Variants in ELK3 observed in about 807,000 individuals in gnomAD.
ELK3 encodes ETS domain-containing protein Elk-3.
A neutral mutation model predicts 28.9 loss-of-function variants in ELK3; 10 were observed. The ratio of observed to expected loss-of-function variants is 0.35; its 90% CI spans 0.21 to 0.59. The LOEUF is 0.59. ELK3 is among the 20% of genes least tolerant of loss of function. The probability of loss-of-function intolerance (pLI) is 0.82; values close to 1 mark genes in which losing one functional copy is unlikely to be tolerated. For missense variants in ELK3, 463 were observed against 517.3 expected, an observed-to-expected ratio of 0.90 and a Z score of 1.02; for synonymous variants, 272 against 243.5, an observed-to-expected ratio of 1.12 and a Z score of -1.09.
intron 1 of ELK3, among the ~76,000 whole-genome samples, chr12:96,208,036 G>A (rs1434067457): frequency 1.3e-5 from 2 of 152,120 alleles, no homozygotes; most frequent in African/African-American, 2.4e-5. Context: ...GTAGGCTGAT[G>A]TTAGAGGGCA....
chr12:96,219,143 A>G (rs1055457805), intron 1 of ELK3, among the ~76,000 whole-genome samples: 1 of 152,188 alleles, frequency 6.6e-6, no homozygotes, highest in African/African-American at 2.4e-5. Context: ...AAGTACCACC[A>G]CTTTTTCAAT....
chr12:96,238,428 C>T (rs1023122413), intron 2 of ELK3, among the ~76,000 whole-genome samples: 1 of 152,236 alleles, frequency 6.6e-6, no homozygotes, highest in Non-Finnish European at 1.5e-5. Context: ...GCACTGGGTC[C>T]ACATGACTTC....
intron 1 of ELK3, among the ~76,000 whole-genome samples, chr12:96,215,204 A>G (rs1000270190): frequency 2.0e-5 from 3 of 152,118 alleles, no homozygotes; most frequent in Non-Finnish European, 4.4e-5. Flanking sequence ...CCACCTCAGT[A>G]AAAATGAAAC....
At position 96,247,150 on chromosome 12, in the gene ELK3, T is replaced by G; in HGVS notation, c.418T>G (p.Ser140Ala). Residue 140 changes from serine to alanine, a missense_variant, in exon 3 of 5, where the codon TCA becomes GCA. Ser to Ala is a moderately conservative substitution (Grantham distance 99). This residue lies in a region of ELK3 where 408 missense variants were observed against 414.8 expected (regional missense o/e 0.98). Transcript: ENST00000228741. This position sits in a 1 kb window ranked among gnomAD's most constrained non-coding sequence, Gnocchi z 5.5. ...RSTSRNEYIHSGLYSSFTINS... is the reference protein window; with the variant it reads ...RSTSRNEYIHAGLYSSFTINS... ...CACGAGCCGCAACGAATACATCCAC[T>G]CAGGCCTGTACTCGTCCTTCACCAT... is the stretch of plus-strand genomic sequence containing the variant. 1 of 1,613,978 alleles carries G rather than the reference T, an allele frequency of 6.2e-7. No individual in the cohort carries two copies. The highest frequency in any genetic ancestry group is 8.5e-7 in the Non-Finnish European group (1 of 1,179,958).
chr12:96,250,610 C>T (rs761548719), intron 3 of ELK3, among the ~76,000 whole-genome samples: 22 of 152,204 alleles, frequency 1.4e-4, no homozygotes, highest in Non-Finnish European at 2.4e-4. Context: ...CTTTCGGCCT[C>T]AGGAGTGAAG....
intron 2 of ELK3, among the ~76,000 whole-genome samples, chr12:96,224,942 A>G (rs1444712547): frequency 6.6e-6 from 1 of 152,228 alleles, no homozygotes; most frequent in East Asian, 1.9e-4. Context: ...TAGAGACATC[A>G]TTAATTATAA....
intron 1 of ELK3, among the ~76,000 whole-genome samples, chr12:96,204,132 C>T (rs1385513538): frequency 1.3e-5 from 2 of 151,692 alleles, no homozygotes; most frequent in Non-Finnish European, 2.9e-5. Context: ...TAAAGTTATT[C>T]GTGGGATAGG....
chr12:96,265,843 A>T (rs1235996347), intron 4 of ELK3, among the ~76,000 whole-genome samples: 1 of 152,246 alleles, frequency 6.6e-6, no homozygotes, highest in Non-Finnish European at 1.5e-5. Flanking sequence ...AATTCTAGAA[A>T]AAGTTAAAAT....
intron 4 of ELK3, among the ~76,000 whole-genome samples, chr12:96,261,082 C>A (rs1394636483): frequency 1.3e-5 from 2 of 152,212 alleles, no homozygotes; most frequent in Non-Finnish European, 2.9e-5. Flanking sequence ...TCTTCATGAT[C>A]ATCTGAGCTG....
At chr12:96,208,200 C>T (rs917245321) in intron 1 of ELK3, among the ~76,000 whole-genome samples, 8 of 152,042 alleles carry the variant, frequency 5.3e-5, no homozygotes, top group Admixed American at 2.6e-4. Context: ...TATAGGCGCC[C>T]GCCACCACTC....
chr12:96,256,848 G>A (rs2268504), intron 3 of ELK3, among the ~76,000 whole-genome samples: 35,569 of 152,118 alleles, frequency 0.23, 4,492 homozygotes, highest in South Asian at 0.4. Flanking sequence ...GGGCAGGGGT[G>A]CACAGGTGGG....
At position 96,247,255 on chromosome 12, in the gene ELK3, C is replaced by G. The variant is rs200537628; in HGVS notation, c.523C>G (p.Pro175Ala). 1.2e-5 allele frequency: 20 copies of G among 1,614,112 alleles called. No individual in the cohort carries two copies. In the Admixed American group the frequency reaches 1.7e-4, roughly 13 times the overall value. The change falls in exon 3 of 5, where the codon CCC becomes GCC. Residue 175 changes from proline to alanine, a missense_variant. Transcript: ENST00000228741. This position sits in a 1 kb window ranked among gnomAD's most constrained non-coding sequence, Gnocchi z 5.5. ...GGAGGAGCCGCCCGAAGACAGCCCC[C>G]CCGTGGAAGAAGTCAGGACTGTGAT... The part of the protein sequence containing the change: ...KLEEPPEDSP[P>A]VEEVRTVIRF...
At chr12:96,260,771 C>T (rs1370009511) in intron 4 of ELK3, among the ~76,000 whole-genome samples, 6 of 152,208 alleles carry the variant, frequency 3.9e-5, no homozygotes, top group Non-Finnish European at 8.8e-5. Flanking sequence ...TTCCCAAATT[C>T]TAGCTTTTCT....
At position 96,247,812 on chromosome 12, in the gene ELK3, T is replaced by A. The variant is rs1372398891; in HGVS notation, c.1002+78T>A. 3 of 1,409,156 alleles carry A rather than the reference T, an allele frequency of 2.1e-6. No homozygotes were observed. The highest frequency in any genetic ancestry group is 2.8e-6 in the Non-Finnish European group (3 of 1,072,512). The allele number at this position is 1,409,156 out of a possible 1,614,324, so 87.3% of individuals were successfully genotyped here. Reference sequence around the variant, plus strand: ...AAAAGGAAGAGCAACTAAAGAGACTTCCTTCTGTCCCTCAAAACGTTGTCC... The same window carrying A: ...AAAAGGAAGAGCAACTAAAGAGACTACCTTCTGTCCCTCAAAACGTTGTCC... On this transcript the variant is annotated intron_variant, in intron 3 of 4. Transcript: ENST00000228741. The surrounding 1 kb of genome is among the most constrained non-coding windows in gnomAD (Gnocchi z 5.5).
Position 96,267,870 on chromosome 12 carries a change from G to A in ELK3, c.*690G>A, listed in dbSNP as rs1355209981. ...TCTAAAGTACATTTTCAAAAGAATGGACCTTGAAAGGCTAGCCTCCTTAGC... is the reference window on the plus strand; with the variant it reads ...TCTAAAGTACATTTTCAAAAGAATGAACCTTGAAAGGCTAGCCTCCTTAGC... On this transcript the variant is annotated 3_prime_UTR_variant, in exon 5 of 5. Coordinates refer to ENST00000228741, the MANE Select transcript of ELK3 (RefSeq NM_005230.4). The A allele has an allele frequency of 6.6e-6, 1 of 152,484 alleles. No individual in the cohort carries two copies. The highest frequency in any genetic ancestry group is 1.5e-5 in the Non-Finnish European group (1 of 68,024). The allele number at this position is 152,484 out of a possible 1,614,324, so 9.4% of individuals were successfully genotyped here.
intron 2 of ELK3, among the ~76,000 whole-genome samples, chr12:96,229,399 T>G (rs1239225512): frequency 6.6e-6 from 1 of 152,146 alleles, no homozygotes; most frequent in Non-Finnish European, 1.5e-5. Flanking sequence ...GACTCTTTCT[T>G]GGCCTCTCCC....
chr12:96,246,533 T>C (rs1018600955), intron 2 of ELK3, among the ~76,000 whole-genome samples: 1 of 152,168 alleles, frequency 6.6e-6, no homozygotes, highest in Non-Finnish European at 1.5e-5. Flanking sequence ...TGGTGGCATG[T>C]ACCTGTAGTC....
At chr12:96,236,453 A>G (rs1354258185) in intron 2 of ELK3, among the ~76,000 whole-genome samples, 7 of 152,204 alleles carry the variant, frequency 4.6e-5, no homozygotes, top group African/African-American at 4.8e-5. Context: ...GCCAGAAAGC[A>G]AAGAAACCTC....
chr12:96,268,663 A>C lies in ELK3; in HGVS notation c.*1483A>C, dbSNP rs1952060839. On this transcript the variant is annotated 3_prime_UTR_variant, in exon 5 of 5. Transcript: ENST00000228741. ...AACTTGAAATGTGACTAAATAACTGATCCAAACTGGGCATTAAGTGGCAGG... is the reference window on the plus strand; with the variant it reads ...AACTTGAAATGTGACTAAATAACTGCTCCAAACTGGGCATTAAGTGGCAGG... The C allele has an allele frequency of 1.3e-5, 2 of 152,222 alleles. No individual in the cohort carries two copies. The highest frequency in any genetic ancestry group is 3.9e-4 in the East Asian group (2 of 5,194). The allele number at this position is 152,222 out of a possible 1,614,324, so 9.4% of individuals were successfully genotyped here.
Sources: allele counts gnomAD v4.1 joint callset (sites outside exome capture counted in the v4.1 genomes callset), GRCh38; gene constraint gnomAD v4.1.1; regional missense constraint gnomAD v4.1.1; non-coding constraint Gnocchi (gnomAD v3.1); transcripts MANE v1.5; gene names NCBI Gene and HGNC (gene_info 2026-07-23, HGNC 2026-07-21).